CFAP20DC: variants seen among roughly 807,000 people sequenced by gnomAD.
The protein encoded by CFAP20DC is protein CFAP20DC.
CFAP20DC carries 84 observed loss-of-function variants against 101.7 expected under a neutral mutation model. The ratio of observed to expected loss-of-function variants is 0.83; its 90% confidence interval spans 0.69 to 0.99. CFAP20DC has a LOEUF of 0.99. Ranked by LOEUF, CFAP20DC falls within the 50% of genes least tolerant of loss-of-function variation. The pLI is 0.00. For synonymous variants in CFAP20DC, 359 were observed against 351.2 expected (o/e 1.02, Z -0.25); for missense variants, 1,007 against 970.3 (o/e 1.04, Z -0.50).
In CFAP20DC at chr3:58,724,398, T is replaced by A. The variant is rs141681837; in HGVS notation, c.198-6770A>T. Among the ~76,000 whole-genome samples, 605 of 152,264 alleles carry A rather than the reference T, an allele frequency of 4.0e-3. 1 individual carries two copies. The highest frequency in any genetic ancestry group is 4.6e-3 in the Non-Finnish European group (313 of 68,026). ...GAAAGCCTCCTAATAGCCCTCATGT[T>A]CCCATGCTTAGAGCGAGACCCTCTC... On this transcript the variant is annotated intron_variant, in intron 3 of 3. Coordinates refer to the CFAP20DC transcript ENST00000486145. The surrounding 1 kb of genome is among the most constrained non-coding windows in gnomAD (Gnocchi z 5.6).
At chr3:58,896,168 A>C (rs1057433495) in intron 6 of CFAP20DC, among the ~76,000 whole-genome samples, 2 of 152,150 alleles carry the variant, frequency 1.3e-5, no homozygotes, top group Non-Finnish European at 1.5e-5. Flanking sequence ...TGGATTTTCT[A>C]GTTTTTGTGC....
At chr3:58,951,248 T>C (rs905808075) in intron 4 of CFAP20DC, among the ~76,000 whole-genome samples, 2 of 151,800 alleles carry the variant, frequency 1.3e-5, no homozygotes, top group South Asian at 2.1e-4. Flanking sequence ...ATTAAAAAGT[T>C]AGAAAACAAC....
intron 12 of CFAP20DC, among the ~76,000 whole-genome samples, chr3:58,857,734 C>T (rs2078949023): frequency 1.3e-5 from 2 of 152,020 alleles, no homozygotes; most frequent in African/African-American, 4.8e-5. Context: ...GAGTAGTGTT[C>T]TAATTTGCAT....
intron 4 of CFAP20DC, among the ~76,000 whole-genome samples, chr3:58,981,060 T>C (rs2092518799): frequency 6.6e-6 from 1 of 152,120 alleles, no homozygotes; most frequent in Admixed American, 6.5e-5. Context: ...TATACACCAA[T>C]AACAGACAAA....
intron 4 of CFAP20DC, among the ~76,000 whole-genome samples, chr3:58,996,434 G>C: frequency 6.6e-6 from 1 of 152,162 alleles, no homozygotes. Flanking sequence ...TATCTTGTTT[G>C]TAATTTTTAA....
At chr3:58,932,863 A>G (rs1559847729) in intron 5 of CFAP20DC, among the ~76,000 whole-genome samples, 1 of 152,246 alleles carries the variant, frequency 6.6e-6, no homozygotes, top group Non-Finnish European at 1.5e-5. Flanking sequence ...AAACTGCATC[A>G]ACTAATGAGC....
intron 13 of CFAP20DC, among the ~76,000 whole-genome samples, chr3:58,847,711 T>C (rs1450732319): frequency 4.3e-5 from 6 of 140,638 alleles, no homozygotes; most frequent in South Asian, 5.0e-4. Flanking sequence ...TAAAGACACA[T>C]GCACACGTAT....
intron 12 of CFAP20DC, among the ~76,000 whole-genome samples, chr3:58,854,910 C>A (rs1291156458): frequency 2.8e-5 from 4 of 144,430 alleles, no homozygotes; most frequent in Non-Finnish European, 4.5e-5. Flanking sequence ...CATTACCATT[C>A]AGGACATAGG....
At chr3:58,930,563 G>A (rs1467990413) in intron 5 of CFAP20DC, among the ~76,000 whole-genome samples, 1 of 152,128 alleles carries the variant, frequency 6.6e-6, no homozygotes, top group Admixed American at 6.5e-5. Flanking sequence ...ACTATGACAG[G>A]GAGAATAGCT....
rs371223007 is a variant in CFAP20DC, at chr3:58,842,952, CCTGT to C, written c.1971+6076_1971+6079del. ...TTCCAACAGACCTGCAGCTGAGGGT[CCTGT>C]CTGTTAGAAGGAAAACTAACAAACA... is the stretch of plus-strand genomic sequence containing the variant. On this transcript the variant is annotated intron_variant, in intron 13 of 16. Transcript: ENST00000482387. Among the ~76,000 whole-genome samples, 210 of 152,304 alleles carry C rather than the reference CCTGT, an allele frequency of 1.4e-3. 2 individuals are homozygous for C. The highest frequency in any genetic ancestry group is 9.7e-3 in the East Asian group (50 of 5,164).
In CFAP20DC at chr3:58,854,996, T is replaced by A. The variant is rs1480226327; in HGVS notation, c.1594-5587A>T. On this transcript the variant is annotated intron_variant, in intron 12 of 16. Transcript: ENST00000482387. The stretch of plus-strand genomic sequence containing the variant: ...CCAAAATTGACAAATGGGATCTAAT[T>A]AAACTAAAGAGCTTCTGCACAGCAA... 4.8e-5 allele frequency among the ~76,000 whole-genome samples: 7 copies of A among 144,834 alleles called. No homozygotes were observed. The East Asian group carries it at 1.4e-3, about 29-fold the overall frequency.
chr3:59,024,715 T>C (rs2109021801), intron 4 of CFAP20DC, among the ~76,000 whole-genome samples: 1 of 152,272 alleles, frequency 6.6e-6, no homozygotes, highest in East Asian at 1.9e-4. Flanking sequence ...ACCCAACTTA[T>C]CAAAGCCAAA....
intron 16 of CFAP20DC, among the ~76,000 whole-genome samples, chr3:58,747,657 G>A (rs59364044): frequency 0.11 from 16,665 of 152,088 alleles, 1,600 homozygotes; most frequent in East Asian, 0.35. Flanking sequence ...TGTTTAAGCA[G>A]TTCAACAGTG....
At chr3:58,853,808 T>A (rs1023708952) in intron 12 of CFAP20DC, among the ~76,000 whole-genome samples, 1 of 152,128 alleles carries the variant, frequency 6.6e-6, no homozygotes, top group Admixed American at 6.5e-5. Context: ...GAACTCTCAA[T>A]AAATTAGGTA....
chr3:58,737,764 A>AG (rs2067791514), downstream of CFAP20DC, among the ~76,000 whole-genome samples: 1 of 152,168 alleles, frequency 6.6e-6, no homozygotes, highest in African/African-American at 2.4e-5. This position sits in a 1 kb window ranked among gnomAD's most constrained non-coding sequence, Gnocchi z 4.1. Context: ...CTGACAACTG[A>AG]GGGAAAAAAG....
intron 13 of CFAP20DC, among the ~76,000 whole-genome samples, chr3:58,833,325 A>G (rs367641009): frequency 1.4e-4 from 21 of 152,318 alleles, no homozygotes; most frequent in Middle Eastern, 3.4e-3. Context: ...TGAGCATTTA[A>G]TATGCTTTCA....
intron 5 of CFAP20DC, among the ~76,000 whole-genome samples, chr3:58,919,216 CATA>C (rs1196322009): frequency 6.6e-6 from 1 of 152,022 alleles, no homozygotes; most frequent in African/African-American, 2.4e-5. Flanking sequence ...TTTCACTCAG[CATA>C]ATATTTAAGG....
intron 10 of CFAP20DC, among the ~76,000 whole-genome samples, chr3:58,866,960 T>A (rs924116182): frequency 3.3e-5 from 5 of 152,142 alleles, no homozygotes; most frequent in African/African-American, 1.2e-4. Context: ...CCAAAACCCA[T>A]AAAATTTTTA....
intron 14 of CFAP20DC, among the ~76,000 whole-genome samples, chr3:58,814,608 C>A (rs1392752258): frequency 6.6e-6 from 1 of 151,282 alleles, no homozygotes; most frequent in Admixed American, 6.6e-5. Flanking sequence ...CTAGAAAACC[C>A]CATTGTCTCA....
Sources: gnomAD v4.1 joint callset for allele counts (sites outside exome capture counted in the v4.1 genomes callset) on GRCh38, gnomAD v4.1.1 for gene constraint, Gnocchi (gnomAD v3.1) non-coding constraint, MANE v1.5 for transcripts, NCBI Gene and HGNC (gene_info 2026-07-23, HGNC 2026-07-21) for gene names.